Variants in PYGM observed in about 807,000 individuals in gnomAD.
The protein encoded by PYGM is glycogen phosphorylase, muscle associated, also known as glycogen phosphorylase, muscle form.
In PYGM, 81 loss-of-function variants were observed where a neutral mutation model predicts 99.3. The ratio of observed to expected loss-of-function variants is 0.82; its 90% CI spans 0.68 to 0.98. The LOEUF (loss-of-function observed/expected upper bound fraction) is 0.98. Among genes scored for constraint, PYGM ranks in the 50% least tolerant of loss-of-function variants. The pLI is 0.00. For synonymous variants in PYGM, 436 were observed against 451.5 expected, an observed-to-expected ratio of 0.97 and a Z score of 0.44; for missense variants, 1,030 against 1,158.1, an observed-to-expected ratio of 0.89 and a Z score of 1.61.
intron 12 of PYGM, 35 bp downstream of exon 12, chr11:64,753,038 A>G (rs184174859): frequency 1.3e-6 from 2 of 1,531,824 alleles, no homozygotes; most frequent in Admixed American, 1.7e-5. Context: ...GCAGGGACCC[A>G]TGTTGACTCT....
intron 17 of PYGM, 43 bp from the exon 18 acceptor site, chr11:64,747,401 C>G (rs1565531642): frequency 6.2e-7 from 1 of 1,613,274 alleles, no homozygotes; most frequent in East Asian, 2.2e-5. Context: ...AAAGGGGTTC[C>G]TGGCTCCTCT....
At chr11:64,756,507 G>A (rs940317661) in intron 5 of PYGM, among the ~76,000 whole-genome samples, 1 of 152,180 alleles carries the variant, frequency 6.6e-6, no homozygotes, top group Non-Finnish European at 1.5e-5. Context: ...CTGGAGTGCA[G>A]TGGCACTATC....
At position 64,757,877 on chromosome 11, in the gene PYGM, T is replaced by C. The variant is rs1365127902; in HGVS notation, c.562A>G (p.Asn188Asp). 6.2e-7 allele frequency: 1 copy of C among 1,614,002 alleles called. No homozygotes were observed. Among genetic ancestry groups the C allele is most frequent in the African/African-American group, 1.3e-5 (1 of 74,924 alleles). ...EEADDWLRYG[N>D]PWEKARPEFT... is the part of the protein sequence containing the mutation. ...TCGGGCCGGGCCTTCTCCCAGGGGT[T>C]GCCGTAGCGAAGCCAGTCATCGGCC... The change falls in exon 5 of 20, where the codon AAC (asparagine) becomes GAC (aspartate). Residue 188 changes from asparagine to aspartate, a missense_variant. Physicochemically the swap from Asn to Asp is conservative, Grantham distance 23. Coordinates refer to ENST00000164139, the MANE Select transcript of PYGM (RefSeq NM_005609.4).
At chr11:64,750,329 G>A (rs1362004996) in intron 17 of PYGM, 47 bp downstream of exon 17, 1 of 1,607,036 alleles carries the variant, frequency 6.2e-7, no homozygotes, top group Non-Finnish European at 8.5e-7. Flanking sequence ...CCACTCTCCA[G>A]CAGCCACACC....
Position 64,758,488 on chromosome 11 carries a change from C to T in PYGM, c.373G>A (p.Glu125Lys), listed in dbSNP as rs1592415687. 1 of 1,614,070 alleles carries T rather than the reference C, an allele frequency of 6.2e-7. No homozygotes were observed. The highest frequency in any genetic ancestry group is 2.2e-5 in the East Asian group (1 of 44,876). ...QLGLDMEELE[E>K]IEEDAGLGNG... ...CCCAGCCCCGCATCCTCCTCAATTT[C>T]CTCCAGCTCCTCCATGTCCAGGCCC... The change falls in exon 3 of 20, where the codon GAA becomes AAA. Residue 125 changes from glutamate (E) to lysine (K), a missense_variant. By Grantham distance (56) the Glu-to-Lys change is moderately conservative. Coordinates refer to ENST00000164139, the MANE Select transcript of PYGM (RefSeq NM_005609.4).
Position 64,753,633 on chromosome 11 carries a change from G to T in PYGM, c.1289C>A (p.Ser430Ter). The T allele has an allele frequency of 1.2e-6, 2 of 1,608,824 alleles. No individual in the cohort carries two copies. The highest frequency in any genetic ancestry group is 8.5e-7 in the Non-Finnish European group (1 of 1,179,400). The part of the protein sequence containing the change: ...PGDVDRLRRM[S>*]LVEEGAVKRI... Reference sequence around the variant, plus strand: ...CTTCACTGCGCCCTCCTCCACCAGCGACATGCGCCGCAGCCGGTCTACGTC... The same window carrying T: ...CTTCACTGCGCCCTCCTCCACCAGCTACATGCGCCGCAGCCGGTCTACGTC... The change falls in exon 11 of 20, where the codon TCG becomes TAG. Residue 430 changes from serine (S) to a stop codon, truncating the protein, a stop_gained. Coordinates refer to ENST00000164139, the MANE Select transcript of PYGM (RefSeq NM_005609.4). LOFTEE classifies it high-confidence loss of function.
At position 64,753,991 on chromosome 11, in the gene PYGM, G is replaced by A. The variant is rs1318866113; in HGVS notation, c.1127C>T (p.Thr376Ile). Reference protein sequence around the residue: ...WDVTVRTCAYTNHTVLPEALE... With the variant: ...WDVTVRTCAYINHTVLPEALE... ...GGCCTCGGGCAGCACCGTGTGGTTG[G>A]TGTAGGCACAGGTCCTCACTGTCAC... Residue 376 changes from threonine (T) to isoleucine (I), a missense_variant, in exon 10 of 20, where the codon ACC becomes ATC. Physicochemically the swap from Thr to Ile is moderately conservative, Grantham distance 89. Coordinates refer to ENST00000164139, the MANE Select transcript of PYGM (RefSeq NM_005609.4). The A allele has an allele frequency of 9.3e-6, 15 of 1,606,942 alleles. No individual in the cohort carries two copies. The highest frequency in any genetic ancestry group is 1.2e-5 in the Non-Finnish European group (14 of 1,176,638).
intron 14 of PYGM, 35 bp from the exon 15 acceptor site, chr11:64,751,690 C>A (rs1455878590): frequency 2.5e-6 from 4 of 1,612,082 alleles, no homozygotes; most frequent in Admixed American, 1.7e-5. Flanking sequence ...GTGGGCCTAC[C>A]TTTCCCTCTG....
At position 64,754,132 on chromosome 11, in the gene PYGM, G is replaced by A. The variant is rs2058378326; in HGVS notation, c.1093-107C>T. ...CCACTGCAGTGCCAGGTTCCAGGAC[G>A]GTCCCTCTGGCCTCAGGCTCTGATC... On this transcript the variant is annotated intron_variant, in intron 9 of 19. Transcript: ENST00000164139. This position sits in a 1 kb window ranked among gnomAD's most constrained non-coding sequence, Gnocchi z 5.5. 13 of 1,591,320 alleles carry A rather than the reference G, an allele frequency of 8.2e-6. No individual in the cohort carries two copies. The highest frequency in any genetic ancestry group is 5.0e-5 in the Admixed American group (3 of 59,908).
downstream of PYGM, chr11:64,746,397 C>A: frequency 1.7e-6 from 1 of 579,140 alleles, no homozygotes; most frequent in Non-Finnish European, 3.1e-6. Flanking sequence ...AGTAAGGAGG[C>A]TCCCAAGGAG....
chr11:64,758,580 G>A (rs559934108), intron 2 of PYGM, 23 bp downstream of exon 2: 22 of 1,612,718 alleles, frequency 1.4e-5, no homozygotes, highest in African/African-American at 5.3e-5. Context: ...CAGTCCCCAC[G>A]GCTTGCCCCA....
Position 64,754,564 on chromosome 11 carries a change from A to G in PYGM, c.999+129T>C, listed in dbSNP as rs2058381504. ...TGAGCCTGTGGATTGTGAATCCTGA[A>G]CAACTGACCCTCCCACACTCCCAGT... On this transcript the variant is annotated intron_variant, in intron 8 of 19. Transcript: ENST00000164139. This position sits in a 1 kb window ranked among gnomAD's most constrained non-coding sequence, Gnocchi z 5.5. 1 of 1,373,844 alleles carries G rather than the reference A, an allele frequency of 7.3e-7. No individual in the cohort carries two copies. The highest frequency in any genetic ancestry group is 2.5e-5 in the East Asian group (1 of 40,052). The allele number at this position is 1,373,844 out of a possible 1,614,324, so 85.1% of individuals were successfully genotyped here. A position where few individuals can be genotyped will look rare whatever the true frequency, so the allele number is the denominator to read the frequency against.
chr11:64,755,145 A>G lies in PYGM; in HGVS notation c.855+128T>C. Reference sequence around the variant, plus strand: ...CTCAAAAGACTTGAGGTGGGGGCACAGGATGCACAAGGCCAGCAATATGCC... The same window carrying G: ...CTCAAAAGACTTGAGGTGGGGGCACGGGATGCACAAGGCCAGCAATATGCC... On this transcript the variant is annotated intron_variant, in intron 7 of 19. Transcript: ENST00000164139. This position sits in a 1 kb window ranked among gnomAD's most constrained non-coding sequence, Gnocchi z 4.1. The G allele has an allele frequency of 8.8e-7, 1 of 1,136,242 alleles. No homozygotes were observed. The highest frequency in any genetic ancestry group is 1.3e-6 in the Non-Finnish European group (1 of 766,064). 70.4% of individuals were successfully genotyped at this position (1,136,242 alleles called of 1,614,324 possible). A position where few individuals can be genotyped will look rare whatever the true frequency, so the allele number is the denominator to read the frequency against.
chr11:64,747,751 C>CAACT (rs375175864), intron 17 of PYGM: 11 of 328,482 alleles, frequency 3.3e-5, no homozygotes, highest in African/African-American at 2.4e-4. Flanking sequence ...TACAACCCTT[C>CAACT]AACTGGGCCA....
intron 5 of PYGM, among the ~76,000 whole-genome samples, chr11:64,756,822 A>C (rs1163206954): frequency 6.6e-6 from 1 of 152,156 alleles, no homozygotes; most frequent in Non-Finnish European, 1.5e-5. Context: ...TTTTTGAAAC[A>C]GTCTCACTCT....
In PYGM at chr11:64,758,615, C is replaced by T. The variant is rs755449774; in HGVS notation, c.333G>A (p.Glu111=). 3.1e-6 allele frequency: 5 copies of T among 1,613,522 alleles called. No individual in the cohort carries two copies. The highest frequency in any genetic ancestry group is 2.2e-5 in the East Asian group (1 of 44,882). The change falls in exon 2 of 20, where the codon GAG becomes GAA. Residue 111 remains glutamate (E), a synonymous_variant. Transcript: ENST00000164139. ...ACCCCACACACACCTGGTAGGTGGC[C>T]TCGTCACAGGCATTCTCTAAGGCCA... The part of the protein sequence containing the change: ...VNLALENACD[E]ATYQLGLDME...
rs1181643904 is a variant in PYGM, at chr11:64,751,939, T to A, written c.1753A>T (p.Ile585Phe). The change falls in exon 14 of 20, where the codon ATC (isoleucine) becomes TTC (phenylalanine). Residue 585 changes from isoleucine (I) to phenylalanine (F), a missense_variant. Ile to Phe is a conservative substitution (Grantham distance 21, BLOSUM62 0). Coordinates refer to ENST00000164139, the MANE Select transcript of PYGM (RefSeq NM_005609.4). The stretch of plus-strand genomic sequence containing the variant: ...TGCCACTCACGGTTGTACAGGGTGA[T>A]GACATGGAGGCAGTTGAGGAGCTGT... The part of the protein sequence containing the change: ...KRQLLNCLHV[I>F]TLYNRIKREP... 6.2e-7 allele frequency: 1 copy of A among 1,614,174 alleles called. No individual in the cohort carries two copies. The highest frequency in any genetic ancestry group is 1.3e-5 in the African/African-American group (1 of 75,036).
chr11:64,751,825 TAGTCCCA>T, intron 14 of PYGM, 92 bp downstream of exon 14: 1 of 1,554,364 alleles, frequency 6.4e-7, no homozygotes, highest in Non-Finnish European at 8.9e-7. Context: ...GTCCCAAGAG[TAGTCCCA>T]AGTCCAAAGG....
At position 64,752,501 on chromosome 11, in the gene PYGM, T is replaced by C; in HGVS notation, c.1522A>G (p.Ile508Val). 6 of 1,613,710 alleles carry C rather than the reference T, an allele frequency of 3.7e-6. No individual in the cohort carries two copies. Among genetic ancestry groups the C allele is most frequent in the South Asian group, 3.3e-5 (3 of 91,042 alleles). ...AGGTCAGAGATGAAGTCCTCCCCGATGCGCTATGGGAAGACGGCTCTCAGC... is the reference window on the plus strand; with the variant it reads ...AGGTCAGAGATGAAGTCCTCCCCGACGCGCTATGGGAAGACGGCTCTCAGC... ...PGLAEVIAER[I>V]GEDFISDLDQ... The change falls in exon 13 of 20, where the codon ATC (isoleucine) becomes GTC (valine). Residue 508 changes from isoleucine (I) to valine (V), a missense_variant. Transcript: ENST00000164139.
Sources: gnomAD v4.1 joint callset for allele counts (sites outside exome capture counted in the v4.1 genomes callset) on GRCh38, gnomAD v4.1.1 for gene constraint, Gnocchi (gnomAD v3.1) non-coding constraint, MANE v1.5 for transcripts, NCBI Gene and HGNC (gene_info 2026-07-23, HGNC 2026-07-21) for gene names.